Variants in AFF3 observed in about 807,000 individuals in gnomAD.
AFF3 encodes ALF transcription elongation factor 3, also known as AF4/FMR2 family member 3.
A neutral mutation model predicts 129.7 loss-of-function variants in AFF3; 32 were observed. The observed-to-expected ratio is 0.25, with a 90% CI of 0.19 to 0.33. AFF3 has a LOEUF of 0.33. AFF3 is among the 10% of genes least tolerant of loss of function. AFF3 has a pLI of 1.00. For missense variants in AFF3, 1,373 were observed against 1,592.0 expected (o/e 0.86, Z 2.34); for synonymous variants, 644 against 635.4 (o/e 1.01, Z -0.20).
chr2:99,695,959 A>C (rs1267219433), intron 11 of AFF3, among the ~76,000 whole-genome samples: 2 of 126,736 alleles, frequency 1.6e-5, no homozygotes, highest in Admixed American at 8.4e-5. Flanking sequence ...AAAAAAAAAA[A>C]ACCAAAAGAA....
intron 5 of AFF3, 148 bp downstream of exon 5, chr2:100,008,664 G>A (rs942246090): frequency 2.2e-5 from 21 of 970,890 alleles, no homozygotes; most frequent in South Asian, 1.8e-5. Context: ...GGAAGACCCC[G>A]TACTTGGTGG....
At chr2:99,863,099 A>G (rs1157921274) in intron 7 of AFF3, among the ~76,000 whole-genome samples, 1 of 152,270 alleles carries the variant, frequency 6.6e-6, no homozygotes, top group Non-Finnish European at 1.5e-5. Flanking sequence ...ACCTTGCTCA[A>G]TAAAGACTCT....
intron 7 of AFF3, among the ~76,000 whole-genome samples, chr2:99,922,415 A>G (rs1257030104): frequency 6.6e-6 from 1 of 152,252 alleles, no homozygotes; most frequent in Non-Finnish European, 1.5e-5. Flanking sequence ...GCAGACAATG[A>G]TACTGATGAA....
intron 4 of AFF3, among the ~76,000 whole-genome samples, chr2:100,043,195 G>A (rs1685576336): frequency 6.6e-6 from 1 of 152,134 alleles, no homozygotes; most frequent in Non-Finnish European, 1.5e-5. Flanking sequence ...AGATGCAGGA[G>A]AAACTCTCCA....
intron 4 of AFF3, among the ~76,000 whole-genome samples, chr2:100,060,307 T>C (rs1037221742): frequency 2.0e-5 from 3 of 152,206 alleles, no homozygotes; most frequent in Admixed American, 1.3e-4. Context: ...CACAGGGTGA[T>C]CATCTTACAG....
At chr2:100,107,279 G>GGGA (rs1691344566) in intron 2 of AFF3, 1 of 985,160 alleles carries the variant, frequency 1.0e-6, no homozygotes, top group Non-Finnish European at 1.2e-6. Context: ...GAGCCTTTAT[G>GGGA]GGAGATCTTT....
intron 7 of AFF3, among the ~76,000 whole-genome samples, chr2:99,954,935 G>GA (rs1006245434): frequency 0.014 from 1,965 of 139,644 alleles, 52 homozygotes; most frequent in African/African-American, 0.049. Context: ...ATAAAATAAA[G>GA]AAAAAAAAAG....
chr2:99,877,544 C>T (rs1005604667), intron 7 of AFF3, among the ~76,000 whole-genome samples: 4 of 152,170 alleles, frequency 2.6e-5, no homozygotes, highest in East Asian at 3.9e-4. Flanking sequence ...TCCTTTATGA[C>T]GAGACTGTCA....
At chr2:99,914,917 T>G (rs1268169186) in intron 7 of AFF3, among the ~76,000 whole-genome samples, 1 of 151,734 alleles carries the variant, frequency 6.6e-6, no homozygotes, top group East Asian at 1.9e-4. Context: ...AATAAATACA[T>G]TAATTAATTA....
intron 8 of AFF3, among the ~76,000 whole-genome samples, chr2:99,772,556 C>G (rs1048774854): frequency 6.6e-6 from 1 of 152,132 alleles, no homozygotes; most frequent in Non-Finnish European, 1.5e-5. Context: ...CAGACTTGCC[C>G]CTTCCTTTTT....
intron 11 of AFF3, among the ~76,000 whole-genome samples, chr2:99,688,220 C>T (rs1452489630): frequency 1.3e-5 from 2 of 152,140 alleles, no homozygotes; most frequent in African/African-American, 4.8e-5. Context: ...GTCAACTGTT[C>T]CTGAATCACA....
chr2:100,006,473 A>G (rs2104731769), intron 7 of AFF3, 159 bp downstream of exon 7: 2 of 856,942 alleles, frequency 2.3e-6, no homozygotes, highest in East Asian at 2.6e-5. Context: ...AGAAATCACT[A>G]TTTAAGTCTG....
chr2:99,693,614 C>T (rs13393002), intron 11 of AFF3, among the ~76,000 whole-genome samples: 2,937 of 152,038 alleles, frequency 0.019, 101 homozygotes, highest in African/African-American at 0.067. Context: ...GATTTATGGC[C>T]GGTTCCTTAA....
chr2:99,718,900 G>A lies in AFF3; in HGVS notation c.1091+8177C>T, dbSNP rs543029151. ...CGAGTAGCTGGGACTACAGGTGCCC[G>A]CCACCATGCCCGGCTAATTTTTTGT... On this transcript the variant is annotated intron_variant, in intron 11 of 24. Transcript: ENST00000672756. Among the ~76,000 whole-genome samples, 19 of 151,816 alleles carry A rather than the reference G, an allele frequency of 1.3e-4. No individual in the cohort carries two copies. In the East Asian group the frequency reaches 1.7e-3, roughly 14 times the overall value.
chr2:99,920,544 G>A (rs1695787710), intron 7 of AFF3, among the ~76,000 whole-genome samples: 1 of 151,954 alleles, frequency 6.6e-6, no homozygotes, highest in Non-Finnish European at 1.5e-5. Flanking sequence ...ACAAGGAATA[G>A]CATTTTCTTA....
At chr2:100,001,612 A>G (rs1251187369) in intron 7 of AFF3, among the ~76,000 whole-genome samples, 1 of 152,132 alleles carries the variant, frequency 6.6e-6, no homozygotes, top group Non-Finnish European at 1.5e-5. Context: ...TATTTTTAGT[A>G]GACACGAGGT....
intron 7 of AFF3, among the ~76,000 whole-genome samples, chr2:99,924,127 G>A (rs1696058631): frequency 6.6e-6 from 1 of 152,022 alleles, no homozygotes; most frequent in African/African-American, 2.4e-5. Flanking sequence ...TTCCTCCCCT[G>A]AGCTCACCTG....
intron 1 of AFF3, among the ~76,000 whole-genome samples, chr2:100,134,138 T>C (rs1293598917): frequency 6.6e-6 from 1 of 152,196 alleles, no homozygotes; most frequent in African/African-American, 2.4e-5. Context: ...ATAAATATCT[T>C]TGCACATACA....
rs1032014071 is a variant in AFF3 at position 99,555,350 on chromosome 2, C to T, written c.3286-618G>A. Among the ~76,000 whole-genome samples, 6 of 152,188 alleles carry T rather than the reference C, an allele frequency of 3.9e-5. No homozygotes were observed. The East Asian group carries it at 1.2e-3, about 29-fold the overall frequency. On this transcript the variant is annotated intron_variant, in intron 22 of 24. Coordinates refer to ENST00000672756, the MANE Select transcript of AFF3 (RefSeq NM_001386135.1). ...CAGTCGACATACATTTACTTAGTGC[C>T]TGAAAATACATGACATCAGATTGTA...
Sources: gnomAD v4.1 joint callset for allele counts (sites outside exome capture counted in the v4.1 genomes callset) on GRCh38, gnomAD v4.1.1 for gene constraint, MANE v1.5 for transcripts, NCBI Gene and HGNC (gene_info 2026-07-23, HGNC 2026-07-21) for gene names.